The following CCDC178 variants were observed in gnomAD, a reference collection of about 807,000 sequenced individuals.
The protein encoded by CCDC178 is coiled-coil domain-containing protein 178.
CCDC178 carries 126 observed loss-of-function variants against 117.4 expected under a neutral mutation model. That is an observed-to-expected ratio of 1.07 (90% CI 0.93 to 1.24). The LOEUF is 1.24. Ranked by LOEUF, CCDC178 falls within the 50% of genes most tolerant of loss-of-function variation. CCDC178 has a pLI of 0.00. For synonymous variants in CCDC178, 283 were observed against 313.4 expected (o/e 0.90, Z 1.02); for missense variants, 1,030 against 986.9 (o/e 1.04, Z -0.59).
chr18:33,255,288 C>T (rs1271808803), intron 14 of CCDC178, among the ~76,000 whole-genome samples: 1 of 151,974 alleles, frequency 6.6e-6, no homozygotes, highest in Admixed American at 6.6e-5. Flanking sequence ...TATAGTAACA[C>T]AAAACAGACT....
intron 20 of CCDC178, among the ~76,000 whole-genome samples, chr18:33,128,188 C>T (rs1326552153): frequency 6.6e-6 from 1 of 152,148 alleles, no homozygotes; most frequent in Non-Finnish European, 1.5e-5. Flanking sequence ...TCAGTTACTA[C>T]ACAAACAACA....
chr18:33,037,770 C>A (rs2056472154), intron 21 of CCDC178, among the ~76,000 whole-genome samples: 1 of 151,860 alleles, frequency 6.6e-6, no homozygotes, highest in South Asian at 2.1e-4. Flanking sequence ...GACAGGAAAA[C>A]TACACTAGCT....
At chr18:33,246,260 A>C (rs2144693533) in intron 14 of CCDC178, among the ~76,000 whole-genome samples, 1 of 151,910 alleles carries the variant, frequency 6.6e-6, no homozygotes, top group Non-Finnish European at 1.5e-5. Flanking sequence ...TATACACATA[A>C]AAATCACAGG....
chr18:33,355,354 T>C (rs1474728483), intron 7 of CCDC178, among the ~76,000 whole-genome samples: 1 of 152,192 alleles, frequency 6.6e-6, no homozygotes, highest in Non-Finnish European at 1.5e-5. Flanking sequence ...GGTGAGCTAG[T>C]GTTTTGTGTG....
chr18:33,093,827 A>T (rs1379243116), intron 20 of CCDC178, among the ~76,000 whole-genome samples: 2 of 152,044 alleles, frequency 1.3e-5, no homozygotes, highest in South Asian at 2.1e-4. Context: ...ATTCATTACA[A>T]TGTTATTTAT....
chr18:32,950,177 C>A (rs2054449389), intron 22 of CCDC178, among the ~76,000 whole-genome samples: 1 of 152,176 alleles, frequency 6.6e-6, no homozygotes, highest in Non-Finnish European at 1.5e-5. Context: ...CTTCTGTAAA[C>A]CTCCAGAGAG....
intron 22 of CCDC178, among the ~76,000 whole-genome samples, chr18:32,949,351 T>C (rs757076665): frequency 2.6e-5 from 4 of 152,150 alleles, no homozygotes; most frequent in Non-Finnish European, 4.4e-5. Flanking sequence ...CTTTATTTTC[T>C]TCTCTTTCAT....
chr18:33,033,854 C>T (rs1340515356), intron 21 of CCDC178, among the ~76,000 whole-genome samples: 2 of 151,972 alleles, frequency 1.3e-5, no homozygotes, highest in East Asian at 3.9e-4. Context: ...TATGTTCATT[C>T]TTTCAGATTG....
At chr18:33,345,415 C>T (rs924499938) in intron 9 of CCDC178, among the ~76,000 whole-genome samples, 7 of 152,088 alleles carry the variant, frequency 4.6e-5, no homozygotes, top group Admixed American at 6.6e-5. Context: ...TTTTACCTTT[C>T]GTTAAAGGTA....
At chr18:33,060,523 T>C (rs968030139) in intron 21 of CCDC178, among the ~76,000 whole-genome samples, 1 of 151,738 alleles carries the variant, frequency 6.6e-6, no homozygotes. Context: ...AACAAATTTG[T>C]ACTTTTTAAA....
At chr18:33,413,923 A>G (rs1292019523) in intron 2 of CCDC178, among the ~76,000 whole-genome samples, 2 of 152,204 alleles carry the variant, frequency 1.3e-5, no homozygotes, top group Non-Finnish European at 2.9e-5. Flanking sequence ...ACTGAAGCCC[A>G]GCCTCAAATT....
At chr18:33,148,292 C>T (rs958442691) in intron 20 of CCDC178, among the ~76,000 whole-genome samples, 3 of 152,294 alleles carry the variant, frequency 2.0e-5, no homozygotes, top group South Asian at 2.1e-4. Flanking sequence ...GGCGTGGCGG[C>T]GCGTGCCTGC....
intron 5 of CCDC178, among the ~76,000 whole-genome samples, chr18:33,377,857 A>C (rs2063385928): frequency 6.6e-6 from 1 of 152,202 alleles, no homozygotes; most frequent in South Asian, 2.1e-4. Context: ...GTAGCCATGT[A>C]GTATAAAGAC....
At chr18:33,436,241 C>G (rs2064288558) in intron 2 of CCDC178, among the ~76,000 whole-genome samples, 1 of 152,064 alleles carries the variant, frequency 6.6e-6, no homozygotes, top group Non-Finnish European at 1.5e-5. Context: ...AGAAAAAATA[C>G]AAACATGTCC....
In CCDC178 at chr18:33,003,441, A is replaced by T. The variant is rs1051723954; in HGVS notation, c.2389-28760T>A. Among the ~76,000 whole-genome samples, 11 of 152,178 alleles carry T rather than the reference A, an allele frequency of 7.2e-5. 1 individual carries two copies. Among genetic ancestry groups the T allele is most frequent in the Non-Finnish European group, 5.9e-5 (4 of 67,990 alleles). ...CAGAATAAAGGATGAAAACCACATG[A>T]TCATTCCAGTTGATGCTGTAAAAAC... On this transcript the variant is annotated intron_variant, in intron 21 of 22. Transcript: ENST00000383096.
chr18:33,006,073 T>C (rs2144784142), intron 21 of CCDC178, among the ~76,000 whole-genome samples: 1 of 152,238 alleles, frequency 6.6e-6, no homozygotes, highest in African/African-American at 2.4e-5. Context: ...CATAAGGATC[T>C]GTGACATTCG....
At chr18:33,394,635 A>T (rs1469236986) in intron 4 of CCDC178, among the ~76,000 whole-genome samples, 3 of 151,702 alleles carry the variant, frequency 2.0e-5, no homozygotes, top group African/African-American at 7.3e-5. Flanking sequence ...AATTATACAA[A>T]ATTTCTCAGT....
chr18:33,192,158 C>T (rs979021656), intron 20 of CCDC178, among the ~76,000 whole-genome samples: 4 of 152,116 alleles, frequency 2.6e-5, no homozygotes, highest in Non-Finnish European at 4.4e-5. Flanking sequence ...GTACAGTTGG[C>T]CATTGTACTT....
intron 21 of CCDC178, among the ~76,000 whole-genome samples, chr18:33,044,348 C>A (rs1399934807): frequency 6.6e-6 from 1 of 151,960 alleles, no homozygotes; most frequent in Non-Finnish European, 1.5e-5. Context: ...TCAATGCAAT[C>A]TTTATCAAAT....
Sources: gnomAD v4.1 joint callset for allele counts (sites outside exome capture counted in the v4.1 genomes callset) on GRCh38, gnomAD v4.1.1 for gene constraint, MANE v1.5 for transcripts, NCBI Gene and HGNC (gene_info 2026-07-23, HGNC 2026-07-21) for gene names.